MAT2B: variants seen among roughly 807,000 people sequenced by gnomAD.
The protein encoded by MAT2B is methionine adenosyltransferase 2 non-catalytic beta subunit.
Under a neutral mutation model 36.1 loss-of-function variants are expected in MAT2B, and 16 were observed. The ratio of observed to expected loss-of-function variants is 0.44; its 90% confidence interval spans 0.30 to 0.67. MAT2B has a LOEUF of 0.67. Ranked by LOEUF, MAT2B falls within the 30% of genes least tolerant of loss-of-function variation. MAT2B has a pLI of 0.09. For synonymous variants in MAT2B, 148 were observed against 136.9 expected, an observed-to-expected ratio of 1.08 and a Z score of -0.57; for missense variants, 332 against 398.2, an observed-to-expected ratio of 0.83 and a Z score of 1.42.
Position 163,517,602 on chromosome 5 carries a change from A to G in MAT2B, c.762A>G (p.Glu254=). ...IKGTFHWSGN[E]QMTKYEMACA... is the part of the protein sequence containing the mutation. ...GAACCTTTCACTGGTCTGGCAATGAACAGATGACTAAGTATGAAATGGCAT... is the reference window on the plus strand; with the variant it reads ...GAACCTTTCACTGGTCTGGCAATGAGCAGATGACTAAGTATGAAATGGCAT... The change falls in exon 6 of 7, where the codon GAA becomes GAG. Residue 254 remains glutamate, a synonymous_variant. Coordinates refer to ENST00000321757, the MANE Select transcript of MAT2B (RefSeq NM_013283.5). The G allele has an allele frequency of 1.2e-6, 2 of 1,613,800 alleles. No homozygotes were observed. Among genetic ancestry groups the G allele is most frequent in the Admixed American group, 3.3e-5 (2 of 60,012 alleles).
intron 1 of MAT2B, 95 bp downstream of exon 1, chr5:163,505,844 C>G (rs1208964642): frequency 5.0e-6 from 5 of 992,480 alleles, no homozygotes; most frequent in African/African-American, 1.7e-5. Context: ...GTATTCCGCC[C>G]GGGTCAGAGC....
At chr5:163,505,839 C>A in intron 1 of MAT2B, 90 bp downstream of exon 1, 2 of 1,050,176 alleles carry the variant, frequency 1.9e-6, no homozygotes, top group African/African-American at 1.6e-5. Context: ...CAGGCGTATT[C>A]CGCCCGGGTC....
intron 1 of MAT2B, among the ~76,000 whole-genome samples, chr5:163,507,751 A>G (rs1013678859): frequency 2.0e-5 from 3 of 152,246 alleles, no homozygotes; most frequent in African/African-American, 7.2e-5. Context: ...AAGCCTCAAC[A>G]AAACAGTGTA....
chr5:163,517,639 G>C lies in MAT2B; in HGVS notation c.799G>C (p.Asp267His). The C allele has an allele frequency of 6.2e-7, 1 of 1,613,600 alleles. No individual in the cohort carries two copies. ...GTATGAAATGGCATGTGCAATTGCA[G>C]ATGCCTTCAACCTCCCCAGCAGTCA... ...TKYEMACAIA[D>H]AFNLPSSHLR... The change falls in exon 6 of 7, where the codon GAT (aspartate) becomes CAT (histidine). Residue 267 changes from aspartate (D) to histidine (H), a missense_variant. Physicochemically the swap from Asp to His is moderately conservative, Grantham distance 81 (BLOSUM62 -1). Coordinates refer to ENST00000321757, the MANE Select transcript of MAT2B (RefSeq NM_013283.5).
At chr5:163,510,019 T>C (rs989684380) in intron 1 of MAT2B, among the ~76,000 whole-genome samples, 1 of 151,670 alleles carries the variant, frequency 6.6e-6, no homozygotes, top group Admixed American at 6.6e-5. Flanking sequence ...TGGTGTCTTT[T>C]AAAAAAAAAT....
At chr5:163,516,118 T>C (rs1760129714) in intron 4 of MAT2B, among the ~76,000 whole-genome samples, 2 of 152,154 alleles carry the variant, frequency 1.3e-5, no homozygotes, top group South Asian at 4.1e-4. Context: ...TCATAGCTCA[T>C]TGCAACCTTG....
At chr5:163,512,668 T>C (rs1035952859) in intron 2 of MAT2B, 1 of 451,344 alleles carries the variant, frequency 2.2e-6, no homozygotes, top group African/African-American at 2.0e-5. Context: ...TTGTTTTGAT[T>C]TAGAAAGACT....
Position 163,517,592 on chromosome 5 carries a change from C to G in MAT2B, c.752C>G (p.Ser251Cys). ...TCAATTAAGGGAACCTTTCACTGGT[C>G]TGGCAATGAACAGATGACTAAGTAT... The part of the protein sequence containing the change: ...DPSIKGTFHW[S>C]GNEQMTKYEM... The change falls in exon 6 of 7, where the codon TCT becomes TGT. Residue 251 changes from serine (S) to cysteine (C), a missense_variant. Coordinates refer to ENST00000321757, the MANE Select transcript of MAT2B (RefSeq NM_013283.5). 1 of 1,612,832 alleles carries G rather than the reference C, an allele frequency of 6.2e-7. No individual in the cohort carries two copies. The highest frequency in any genetic ancestry group is 1.3e-5 in the African/African-American group (1 of 75,012).
upstream of MAT2B, chr5:163,503,406 G>A: frequency 6.2e-7 from 1 of 1,614,094 alleles, no homozygotes; most frequent in Non-Finnish European, 8.5e-7. Flanking sequence ...TGCCTGAAAT[G>A]CCAGAGGACA....
upstream of MAT2B, among the ~76,000 whole-genome samples, chr5:163,504,527 G>A (rs1759896417): frequency 6.6e-6 from 1 of 152,188 alleles, no homozygotes; most frequent in Non-Finnish European, 1.5e-5. Flanking sequence ...AAAAGGTTTA[G>A]GAGTCGGGGA....
chr5:163,508,365 G>A (rs1201920619), intron 1 of MAT2B, among the ~76,000 whole-genome samples: 1 of 151,928 alleles, frequency 6.6e-6, no homozygotes, highest in Non-Finnish European at 1.5e-5. Context: ...AGCCTCCCAA[G>A]TAGCTGAGAT....
chr5:163,503,375 C>T, upstream of MAT2B: 2 of 1,613,510 alleles, frequency 1.2e-6, no homozygotes, highest in Non-Finnish European at 1.7e-6. Context: ...TATCTGCTCT[C>T]CTGAAATAAT....
intron 6 of MAT2B, 168 bp downstream of exon 6, chr5:163,517,842 A>G (rs1204387085): frequency 1.1e-5 from 6 of 526,066 alleles, no homozygotes; most frequent in African/African-American, 5.7e-5. Context: ...GATCATGAGT[A>G]TTGAAGTTTG....
At chr5:163,510,603 G>A (rs1433755480) in intron 1 of MAT2B, among the ~76,000 whole-genome samples, 1 of 151,946 alleles carries the variant, frequency 6.6e-6, no homozygotes, top group Non-Finnish European at 1.5e-5. Context: ...CACCATGTTG[G>A]CCAGGCTGGT....
intron 6 of MAT2B, 92 bp downstream of exon 6, chr5:163,517,766 G>A: frequency 1.3e-6 from 1 of 747,250 alleles, no homozygotes; most frequent in South Asian, 1.7e-5. Context: ...ACTAATCAAA[G>A]TGAACTTTGC....
chr5:163,504,970 A>C (rs967907353), upstream of MAT2B, among the ~76,000 whole-genome samples: 1 of 152,156 alleles, frequency 6.6e-6, no homozygotes, highest in Non-Finnish European at 1.5e-5. Context: ...GTAAAGTCCA[A>C]GGATCTGCGT....
At position 163,514,920 on chromosome 5, in the gene MAT2B, G is replaced by T. The variant is rs1447656969; in HGVS notation, c.526+926G>T. ...ACAACTCAGTAATTTATAAAGAACA[G>T]AAATTTATTTCACACAGTTCTAGAG... On this transcript the variant is annotated intron_variant, in intron 4 of 6. Coordinates refer to ENST00000321757, the MANE Select transcript of MAT2B (RefSeq NM_013283.5). Among the ~76,000 whole-genome samples, 4 of 152,140 alleles carry T rather than the reference G, an allele frequency of 2.6e-5. No individual in the cohort carries two copies. The East Asian group carries it at 7.7e-4, about 29-fold the overall frequency.
intron 2 of MAT2B, 94 bp from the exon 3 acceptor site, chr5:163,513,461 T>G (rs1024198882): frequency 1.5e-6 from 1 of 677,950 alleles, no homozygotes; most frequent in African/African-American, 1.8e-5. Context: ...AATGTTGACT[T>G]ACTGCACATT....
intron 1 of MAT2B, among the ~76,000 whole-genome samples, 199 bp downstream of exon 1, chr5:163,505,948 G>GT (rs1306216978): frequency 2.0e-5 from 3 of 152,138 alleles, no homozygotes; most frequent in Non-Finnish European, 2.9e-5. Flanking sequence ...ACGGGTCAGT[G>GT]TTTTTTTCTT....
Sources: gnomAD v4.1 joint callset for allele counts (sites outside exome capture counted in the v4.1 genomes callset) on GRCh38, gnomAD v4.1.1 for gene constraint, MANE v1.5 for transcripts, NCBI Gene and HGNC (gene_info 2026-07-23, HGNC 2026-07-21) for gene names.